The following SLX4IP variants were observed in gnomAD, a reference collection of about 807,000 sequenced individuals.
SLX4IP encodes the protein SLX4 interacting protein, also known as protein SLX4IP.
A neutral mutation model predicts 32.9 loss-of-function variants in SLX4IP; 34 were observed. The ratio of observed to expected loss-of-function variants is 1.03; its 90% confidence interval spans 0.79 to 1.38. The LOEUF (loss-of-function observed/expected upper bound fraction) is 1.38, where lower values mean the gene tolerates loss of function less well. Ranked by LOEUF, SLX4IP falls within the 40% of genes most tolerant of loss-of-function variation. SLX4IP has a pLI of 0.00. For synonymous variants in SLX4IP, 172 were observed against 171.7 expected, an observed-to-expected ratio of 1.00 and a Z score of -0.01; for missense variants, 444 against 479.0, an observed-to-expected ratio of 0.93 and a Z score of 0.68.
chr20:10,592,610 C>T (rs534873442), intron 4 of SLX4IP, among the ~76,000 whole-genome samples: 4 of 142,192 alleles, frequency 2.8e-5, no homozygotes, highest in African/African-American at 7.8e-5. Context: ...TGAAAGCACA[C>T]GTATTCTTCA....
At chr20:10,569,404 A>T (rs1224187560) in intron 4 of SLX4IP, among the ~76,000 whole-genome samples, 3 of 151,762 alleles carry the variant, frequency 2.0e-5, no homozygotes, top group Non-Finnish European at 4.4e-5. Context: ...CAGGCTGGTG[A>T]TCCACCCCCT....
At chr20:10,552,275 C>T (rs565013674) in intron 2 of SLX4IP, among the ~76,000 whole-genome samples, 15 of 152,322 alleles carry the variant, frequency 9.8e-5, no homozygotes, top group African/African-American at 3.6e-4. Context: ...TGATGGTTAC[C>T]ATGTTGCTTC....
At chr20:10,582,834 T>C (rs998170244) in intron 4 of SLX4IP, among the ~76,000 whole-genome samples, 5 of 152,156 alleles carry the variant, frequency 3.3e-5, no homozygotes, top group Non-Finnish European at 5.9e-5. Context: ...AAATGTTATT[T>C]TCAGGGTTAG....
At chr20:10,520,903 C>T (rs1322506058) in intron 2 of SLX4IP, among the ~76,000 whole-genome samples, 5 of 152,200 alleles carry the variant, frequency 3.3e-5, no homozygotes, top group Admixed American at 2.0e-4. Context: ...GAAGTGAGCA[C>T]TCTATAGACT....
chr20:10,449,835 GCTTTT>G (rs2065227830), intron 1 of SLX4IP, among the ~76,000 whole-genome samples: 1 of 151,956 alleles, frequency 6.6e-6, no homozygotes, highest in Non-Finnish European at 1.5e-5. Flanking sequence ...AAAAATACAT[GCTTTT>G]CAGTTCCAGA....
chr20:10,579,575 G>A (rs948185790), intron 4 of SLX4IP, among the ~76,000 whole-genome samples: 7 of 152,018 alleles, frequency 4.6e-5, no homozygotes, highest in African/African-American at 1.7e-4. Flanking sequence ...TAAGGCATCC[G>A]CCACCATGCC....
intron 6 of SLX4IP, among the ~76,000 whole-genome samples, chr20:10,618,632 C>A (rs2067066954): frequency 6.6e-6 from 1 of 152,134 alleles, no homozygotes; most frequent in Non-Finnish European, 1.5e-5. Flanking sequence ...CTTTGGATGG[C>A]CAGCTCTTTG....
chr20:10,523,438 A>G (rs1470780606), intron 2 of SLX4IP, among the ~76,000 whole-genome samples: 1 of 152,242 alleles, frequency 6.6e-6, no homozygotes, highest in Non-Finnish European at 1.5e-5. Flanking sequence ...CTCTGTATAT[A>G]GACATAGTCA....
chr20:10,451,181 G>A (rs1366577177), intron 1 of SLX4IP, among the ~76,000 whole-genome samples: 1 of 151,486 alleles, frequency 6.6e-6, no homozygotes, highest in Non-Finnish European at 1.5e-5. Context: ...ATTTTTTTGA[G>A]ACAGAGTATC....
At position 10,618,528 on chromosome 20, in the gene SLX4IP, A is replaced by G. The variant is rs545354635; in HGVS notation, c.406-2786A>G. 3.3e-5 allele frequency among the ~76,000 whole-genome samples: 5 copies of G among 152,304 alleles called. No homozygotes were observed. The East Asian group carries it at 9.7e-4, about 29-fold the overall frequency. On this transcript the variant is annotated intron_variant, in intron 6 of 7. Transcript: ENST00000334534. ...GTGTAAGAGCTACCTTCCAGGTTGT[A>G]AGGAATCATTTATGAAGGCCCTGGA...
chr20:10,583,661 G>T (rs1032896455), intron 4 of SLX4IP, among the ~76,000 whole-genome samples: 1 of 152,116 alleles, frequency 6.6e-6, no homozygotes, highest in South Asian at 2.1e-4. Context: ...GGTATGTGGG[G>T]TGTGTTTTCT....
chr20:10,551,340 A>T (rs1032472039), intron 2 of SLX4IP, among the ~76,000 whole-genome samples: 2 of 152,146 alleles, frequency 1.3e-5, no homozygotes, highest in Non-Finnish European at 2.9e-5. Context: ...CAGAATAGGG[A>T]GAGAGGAAGT....
intron 2 of SLX4IP, among the ~76,000 whole-genome samples, chr20:10,478,818 C>T (rs1172527556): frequency 6.6e-6 from 1 of 152,126 alleles, no homozygotes; most frequent in East Asian, 1.9e-4. Flanking sequence ...TGAATCTGAC[C>T]AACTCTTCTA....
chr20:10,561,912 G>T (rs765193135), intron 4 of SLX4IP, among the ~76,000 whole-genome samples: 1 of 152,148 alleles, frequency 6.6e-6, no homozygotes, highest in Non-Finnish European at 1.5e-5. Context: ...GGGCTCATCC[G>T]TGTTGCTATT....
chr20:10,560,915 TA>T, intron 4 of SLX4IP, 95 bp downstream of exon 4: 1 of 1,204,888 alleles, frequency 8.3e-7, no homozygotes, highest in East Asian at 2.8e-5. Context: ...GTCATGTTAG[TA>T]TAGTGATACA....
At chr20:10,440,359 G>T (rs904117982) in intron 1 of SLX4IP, among the ~76,000 whole-genome samples, 1 of 151,994 alleles carries the variant, frequency 6.6e-6, no homozygotes, top group African/African-American at 2.4e-5. Context: ...GGAGGCTGAG[G>T]TGGGAGAGTT....
At chr20:10,546,522 C>T (rs1282594416) in intron 2 of SLX4IP, among the ~76,000 whole-genome samples, 1 of 152,000 alleles carries the variant, frequency 6.6e-6, no homozygotes, top group East Asian at 1.9e-4. Context: ...GAATTTAAGA[C>T]AAATTCTACC....
intron 6 of SLX4IP, among the ~76,000 whole-genome samples, chr20:10,607,667 T>C (rs2066920392): frequency 6.6e-6 from 1 of 152,070 alleles, no homozygotes; most frequent in African/African-American, 2.4e-5. Flanking sequence ...CCACCCAACC[T>C]TATAGGGACT....
At chr20:10,502,538 C>G (rs1468075520) in intron 2 of SLX4IP, among the ~76,000 whole-genome samples, 1 of 151,628 alleles carries the variant, frequency 6.6e-6, no homozygotes, top group Non-Finnish European at 1.5e-5. Context: ...TTCGAAGATG[C>G]CAGCCTCCTT....
Sources: allele counts gnomAD v4.1 joint callset (sites outside exome capture counted in the v4.1 genomes callset), GRCh38; gene constraint gnomAD v4.1.1; transcripts MANE v1.5; gene names NCBI Gene and HGNC (gene_info 2026-07-23, HGNC 2026-07-21).